The following ANKRD50 variants were observed in gnomAD, a reference collection of about 807,000 sequenced individuals.
ANKRD50 encodes the protein ankyrin repeat domain-containing protein 50.
In ANKRD50, 40 loss-of-function variants were observed where a neutral mutation model predicts 112.0. The observed-to-expected ratio is 0.36, with a 90% confidence interval of 0.28 to 0.46. The LOEUF (loss-of-function observed/expected upper bound fraction) is 0.46. ANKRD50 is among the 20% of genes least tolerant of loss of function. ANKRD50 has a pLI of 1.00. For missense variants in ANKRD50, 1,487 were observed against 1,701.7 expected (o/e 0.87, Z 2.22); for synonymous variants, 613 against 619.1 (o/e 0.99, Z 0.15).
intron 2 of ANKRD50, among the ~76,000 whole-genome samples, chr4:124,686,878 C>T (rs1017319802): frequency 1.3e-5 from 2 of 152,054 alleles, no homozygotes; most frequent in Non-Finnish European, 2.9e-5. Context: ...CAACAAATAT[C>T]AAATTTTGTG....
intron 2 of ANKRD50, among the ~76,000 whole-genome samples, chr4:124,681,186 AG>A (rs1724877459): frequency 6.6e-6 from 1 of 152,204 alleles, no homozygotes; most frequent in African/African-American, 2.4e-5. Flanking sequence ...ACTATCACCA[AG>A]GCCATCACTG....
Position 124,669,569 on chromosome 4 carries a change from A to C in ANKRD50, c.3708T>G (p.Ser1236=), listed in dbSNP as rs747444159. The change falls in exon 4 of 5, where the codon TCT becomes TCG. Residue 1236 remains serine, a synonymous_variant. Transcript: ENST00000504087. ...SRSRQSIVSP[S]STTQSLGQSH... ...TCTGTCCTAAGGACTGTGTTGTGGAAGATGGGGAAACAATTGACTGTCGAC... is the reference window on the plus strand; with the variant it reads ...TCTGTCCTAAGGACTGTGTTGTGGACGATGGGGAAACAATTGACTGTCGAC... 53 of 1,613,274 alleles carry C rather than the reference A, an allele frequency of 3.3e-5. No individual in the cohort carries two copies. Among genetic ancestry groups the C allele is most frequent in the Non-Finnish European group, 4.4e-5 (52 of 1,179,838 alleles).
At chr4:124,685,787 G>A (rs1378435741) in intron 2 of ANKRD50, among the ~76,000 whole-genome samples, 1 of 146,578 alleles carries the variant, frequency 6.8e-6, no homozygotes. Flanking sequence ...AAATCCTAGA[G>A]TTAGTTTTTC....
Position 124,710,066 on chromosome 4 carries a change from T to A in ANKRD50, c.446A>T (p.Asp149Val). The stretch of plus-strand genomic sequence containing the variant: ...CTGTAAGAGGCTTTGGACTGCTGGA[T>A]CCCTTAGCTTGTCCTCATATCCTTG... Reference protein sequence around the residue: ...LLQGYEDKLRDPAVQSLLQPG... With the variant: ...LLQGYEDKLRVPAVQSLLQPG... Residue 149 changes from aspartate to valine, a missense_variant, in exon 2 of 5, where the codon GAT becomes GTT. Physicochemically the swap from Asp to Val is radical, Grantham distance 152. Around this residue, in one of 2 missense-constraint regions of ANKRD50, gnomAD observed 1,046 missense variants for 1,269.5 expected, o/e 0.82. Coordinates refer to ENST00000504087, the MANE Select transcript of ANKRD50 (RefSeq NM_020337.3). 6.2e-7 allele frequency: 1 copy of A among 1,614,178 alleles called. No individual in the cohort carries two copies.
intron 2 of ANKRD50, among the ~76,000 whole-genome samples, chr4:124,705,872 A>G (rs1377555535): frequency 6.6e-6 from 1 of 152,188 alleles, no homozygotes; most frequent in South Asian, 2.1e-4. Flanking sequence ...TTGGCTCTCA[A>G]AGTAAGTAAA....
intron 3 of ANKRD50, among the ~76,000 whole-genome samples, chr4:124,675,065 AG>A (rs1414528113): frequency 1.3e-5 from 2 of 151,758 alleles, no homozygotes; most frequent in Non-Finnish European, 3.0e-5. Flanking sequence ...CAAAACTTCT[AG>A]GGGAATAAAA....
intron 2 of ANKRD50, among the ~76,000 whole-genome samples, chr4:124,702,031 A>G (rs537641838): frequency 6.6e-6 from 1 of 152,316 alleles, no homozygotes; most frequent in Non-Finnish European, 1.5e-5. Context: ...AAGAAAAAGA[A>G]TGTTCTCACT....
In ANKRD50 at chr4:124,669,529, T is replaced by G; in HGVS notation, c.3748A>C (p.Ser1250Arg). 6.2e-7 allele frequency: 1 copy of G among 1,612,850 alleles called. No individual in the cohort carries two copies. Among genetic ancestry groups the G allele is most frequent in the Non-Finnish European group, 8.5e-7 (1 of 1,179,688 alleles). ...ACTTGACTCCACTCAAATTCACTACTTGGTGAATTATGACTCTGTCCTAAG... is the reference window on the plus strand; with the variant it reads ...ACTTGACTCCACTCAAATTCACTACGTGGTGAATTATGACTCTGTCCTAAG... ...QSLGQSHNSP[S>R]SEFEWSQVKP... Residue 1250 changes from serine (S) to arginine (R), a missense_variant, in exon 4 of 5, where the codon AGT (serine) becomes CGT (arginine). Ser to Arg is a moderately radical substitution (Grantham distance 110). This residue lies in a region of ANKRD50 where 441 missense variants were observed against 432.2 expected (regional missense o/e 1.02). Coordinates refer to ENST00000504087, the MANE Select transcript of ANKRD50 (RefSeq NM_020337.3).
At chr4:124,690,326 C>T (rs1462158821) in intron 2 of ANKRD50, among the ~76,000 whole-genome samples, 1 of 152,206 alleles carries the variant, frequency 6.6e-6, no homozygotes, top group Non-Finnish European at 1.5e-5. Flanking sequence ...AATGGCAACA[C>T]ACAATTACCT....
rs1730598986 is a variant in ANKRD50 at position 124,670,049 on chromosome 4, T to C, written c.3228A>G (p.Gln1076=). The change falls in exon 4 of 5, where the codon CAA becomes CAG. Residue 1076 remains glutamine (Q), a synonymous_variant. Coordinates refer to ENST00000504087, the MANE Select transcript of ANKRD50 (RefSeq NM_020337.3). The stretch of plus-strand genomic sequence containing the variant: ...CAACACGCATAGCAGTGCGTCCAAA[T>C]TGATCAGCATGGTTTGGATCAGCAC... The part of the protein sequence containing the change: ...EHGADPNHAD[Q]FGRTAMRVAA... 1.9e-6 allele frequency: 3 copies of C among 1,611,548 alleles called. No individual in the cohort carries two copies. The highest frequency in any genetic ancestry group is 2.5e-6 in the Non-Finnish European group (3 of 1,179,374).
At chr4:124,687,848 A>G (rs1725043416) in intron 2 of ANKRD50, among the ~76,000 whole-genome samples, 1 of 152,200 alleles carries the variant, frequency 6.6e-6, no homozygotes, top group Non-Finnish European at 1.5e-5. Flanking sequence ...GCAAATAAGT[A>G]AAAACCCTGA....
chr4:124,676,895 T>C (rs976438338), intron 3 of ANKRD50, among the ~76,000 whole-genome samples: 1 of 151,154 alleles, frequency 6.6e-6, no homozygotes, highest in Non-Finnish European at 1.5e-5. Context: ...AAAAGGCAAA[T>C]TGATGAAATA....
At chr4:124,685,305 AC>A (rs1413111430) in intron 2 of ANKRD50, among the ~76,000 whole-genome samples, 3 of 152,210 alleles carry the variant, frequency 2.0e-5, no homozygotes, top group African/African-American at 7.2e-5. Context: ...AATGAATGAT[AC>A]TTGATGGAAA....
At chr4:124,675,218 A>G (rs1009470851) in intron 3 of ANKRD50, among the ~76,000 whole-genome samples, 3 of 151,678 alleles carry the variant, frequency 2.0e-5, no homozygotes, top group Non-Finnish European at 4.4e-5. Context: ...TACTTGAAAC[A>G]TTTCTATTAT....
intron 2 of ANKRD50, among the ~76,000 whole-genome samples, chr4:124,706,927 A>G (rs1725519577): frequency 6.6e-6 from 1 of 152,054 alleles, no homozygotes; most frequent in South Asian, 2.1e-4. Context: ...AGTAAAAAAC[A>G]GAACAGTTGT....
At chr4:124,688,995 A>G (rs1725070141) in intron 2 of ANKRD50, among the ~76,000 whole-genome samples, 1 of 152,158 alleles carries the variant, frequency 6.6e-6, no homozygotes, top group African/African-American at 2.4e-5. Flanking sequence ...GTCTTCCCTG[A>G]CTACATTTCT....
intron 2 of ANKRD50, among the ~76,000 whole-genome samples, chr4:124,696,901 C>T (rs926440447): frequency 6.0e-4 from 91 of 152,114 alleles, no homozygotes; most frequent in African/African-American, 2.1e-3. Context: ...TGATTTTTCA[C>T]ACCCCACATC....
intron 2 of ANKRD50, among the ~76,000 whole-genome samples, chr4:124,680,225 A>C (rs950371651): frequency 2.6e-5 from 4 of 152,178 alleles, no homozygotes; most frequent in Non-Finnish European, 4.4e-5. Flanking sequence ...AAGAGAGACT[A>C]AATTGGTTTT....
intron 2 of ANKRD50, among the ~76,000 whole-genome samples, chr4:124,689,301 C>T (rs774380104): frequency 3.9e-5 from 6 of 152,086 alleles, no homozygotes; most frequent in Non-Finnish European, 8.8e-5. Flanking sequence ...TCCAGTGTCA[C>T]GTCTTTAAGA....
Sources: gnomAD v4.1 joint callset for allele counts (sites outside exome capture counted in the v4.1 genomes callset) on GRCh38, gnomAD v4.1.1 for gene constraint, gnomAD v4.1.1 regional missense constraint, MANE v1.5 for transcripts, NCBI Gene and HGNC (gene_info 2026-07-23, HGNC 2026-07-21) for gene names.